Variants in HS3ST4 observed in about 807,000 individuals in gnomAD.
HS3ST4 encodes the protein heparan sulfate-glucosamine 3-sulfotransferase 4, also known as heparan sulfate glucosamine 3-O-sulfotransferase 4.
HS3ST4 carries 17 observed loss-of-function variants against 29.2 expected under a neutral mutation model. That is an observed-to-expected ratio of 0.58 (90% CI 0.40 to 0.87). The LOEUF (loss-of-function observed/expected upper bound fraction) is 0.87. HS3ST4 is among the 40% of genes least tolerant of loss of function. The pLI, the probability that HS3ST4 is intolerant of heterozygous loss-of-function variation, is 0.00. For synonymous variants in HS3ST4, 314 were observed against 285.7 expected, an observed-to-expected ratio of 1.10 and a Z score of -1.00; for missense variants, 627 against 634.5, an observed-to-expected ratio of 0.99 and a Z score of 0.13.
chr16:25,929,576 A>G (rs986951274), intron 1 of HS3ST4, among the ~76,000 whole-genome samples: 2 of 152,038 alleles, frequency 1.3e-5, no homozygotes, highest in Non-Finnish European at 2.9e-5. Context: ...TGCCCACAAA[A>G]TAATTGGTCT....
At chr16:25,873,861 T>C (rs1967798497) in intron 1 of HS3ST4, among the ~76,000 whole-genome samples, 1 of 152,156 alleles carries the variant, frequency 6.6e-6, no homozygotes, top group Admixed American at 6.6e-5. Context: ...TCCAGCCTTA[T>C]ACCTGTTTAG....
At chr16:25,740,644 A>G (rs942589291) in intron 1 of HS3ST4, among the ~76,000 whole-genome samples, 6 of 152,212 alleles carry the variant, frequency 3.9e-5, no homozygotes, top group African/African-American at 1.4e-4. Flanking sequence ...CATTAAAAGA[A>G]TGATCACTTC....
chr16:25,847,910 A>G (rs1967481972), intron 1 of HS3ST4, among the ~76,000 whole-genome samples: 1 of 152,162 alleles, frequency 6.6e-6, no homozygotes, highest in Non-Finnish European at 1.5e-5. Context: ...TGGTATTTAT[A>G]TTTATGTATT....
At chr16:26,114,338 T>C (rs1363479053) in intron 1 of HS3ST4, among the ~76,000 whole-genome samples, 9 of 152,180 alleles carry the variant, frequency 5.9e-5, no homozygotes, top group African/African-American at 2.2e-4. Context: ...CAACATGTAA[T>C]TATTTCCACA....
chr16:25,941,427 A>G (rs1968571277), intron 1 of HS3ST4, among the ~76,000 whole-genome samples: 1 of 151,304 alleles, frequency 6.6e-6, no homozygotes, highest in Non-Finnish European at 1.5e-5. Context: ...CCGAAGTGCT[A>G]GGATTACAGG....
intron 1 of HS3ST4, among the ~76,000 whole-genome samples, chr16:25,993,949 C>CGTGTGTGTGTGTGTGT (rs56226178): frequency 2.6e-4 from 31 of 121,322 alleles, no homozygotes; most frequent in Admixed American, 1.2e-3. Context: ...CACATAACCT[C>CGTGTGTGTGTGTGTGT]GTGTGTGTGT....
chr16:25,976,340 C>G (rs1968943110), intron 1 of HS3ST4, among the ~76,000 whole-genome samples: 1 of 152,174 alleles, frequency 6.6e-6, no homozygotes, highest in Non-Finnish European at 1.5e-5. Context: ...GGGTCTCACT[C>G]TGTCACCCAG....
intron 1 of HS3ST4, among the ~76,000 whole-genome samples, chr16:25,775,686 T>A (rs1364779268): frequency 6.6e-6 from 1 of 152,210 alleles, no homozygotes; most frequent in African/African-American, 2.4e-5. Context: ...ATGCTCTTCC[T>A]CCTCTTTGCC....
chr16:25,901,734 C>A (rs1292962152), intron 1 of HS3ST4, among the ~76,000 whole-genome samples: 1 of 152,180 alleles, frequency 6.6e-6, no homozygotes, highest in African/African-American at 2.4e-5. Context: ...CACAGAAGAG[C>A]TGTTTCAGCC....
intron 1 of HS3ST4, among the ~76,000 whole-genome samples, chr16:25,709,955 T>A (rs997142225): frequency 6.6e-6 from 1 of 152,188 alleles, no homozygotes; most frequent in Non-Finnish European, 1.5e-5. Flanking sequence ...TCACATTAAG[T>A]CTTCCTGCCC....
intron 1 of HS3ST4, among the ~76,000 whole-genome samples, chr16:25,836,833 C>A (rs764993908): frequency 4.6e-5 from 7 of 152,196 alleles, no homozygotes; most frequent in Non-Finnish European, 7.3e-5. Flanking sequence ...AGCAAGAATT[C>A]ATATTAAAGG....
chr16:25,979,886 C>A (rs543280311), intron 1 of HS3ST4, among the ~76,000 whole-genome samples: 1 of 152,276 alleles, frequency 6.6e-6, no homozygotes, highest in African/African-American at 2.4e-5. Context: ...TGCCACCTAC[C>A]CTGCTATGCG....
rs28401533 is a variant in HS3ST4, at chr16:25,960,132, G to A, written c.735-175480G>A. ...GCCTGGGCAACAAGAGTGAAACTCC[G>A]TCTCAAAAAAAAAGAATCTGGGACC... On this transcript the variant is annotated intron_variant, in intron 1 of 1. Transcript: ENST00000331351. 0.034 allele frequency among the ~76,000 whole-genome samples: 5,202 copies of A among 151,818 alleles called. 544 individuals carry two copies. In the East Asian group the frequency reaches 0.4, roughly 12 times the overall value.
chr16:25,871,646 G>T (rs1967753720), intron 1 of HS3ST4, among the ~76,000 whole-genome samples: 2 of 152,186 alleles, frequency 1.3e-5, no homozygotes, highest in African/African-American at 4.8e-5. Context: ...GAAAACTGAA[G>T]TACAGAGAGA....
In HS3ST4 at chr16:26,136,419, C is replaced by G; in HGVS notation, c.*171C>G. On this transcript the variant is annotated 3_prime_UTR_variant, in exon 2 of 2. Coordinates refer to ENST00000331351, the MANE Select transcript of HS3ST4 (RefSeq NM_006040.3). ...TGTTAGCTTAGGCAAACAGGTGGAT[C>G]CCATGGCATCCCCATGGAGGAACCA... 1 of 644,900 alleles carries G rather than the reference C, an allele frequency of 1.6e-6. No homozygotes were observed. Among genetic ancestry groups the G allele is most frequent in the Non-Finnish European group, 2.6e-6 (1 of 379,460 alleles). The allele number at this position is 644,900 out of a possible 1,614,324, so 39.9% of individuals were successfully genotyped here.
At chr16:26,048,703 C>A (rs1478087576) in intron 1 of HS3ST4, among the ~76,000 whole-genome samples, 2 of 151,978 alleles carry the variant, frequency 1.3e-5, no homozygotes, top group African/African-American at 4.8e-5. Context: ...TGTGGTGGTG[C>A]ATAACTATAA....
chr16:25,933,861 T>A (rs1397496095), intron 1 of HS3ST4, among the ~76,000 whole-genome samples: 1 of 152,046 alleles, frequency 6.6e-6, no homozygotes, highest in Non-Finnish European at 1.5e-5. Flanking sequence ...GAGAACCCAC[T>A]CATTACCACA....
intron 1 of HS3ST4, among the ~76,000 whole-genome samples, chr16:25,915,866 T>C (rs1363408787): frequency 6.6e-6 from 1 of 152,192 alleles, no homozygotes; most frequent in Admixed American, 6.5e-5. Context: ...GTTTAACTTC[T>C]CCAAGACTCA....
intron 1 of HS3ST4, among the ~76,000 whole-genome samples, chr16:26,085,205 C>A (rs1898771735): frequency 6.6e-6 from 1 of 152,188 alleles, no homozygotes; most frequent in Non-Finnish European, 1.5e-5. Context: ...TGCTTCCTAG[C>A]AACTCTGTAA....
Sources: allele counts gnomAD v4.1 joint callset (sites outside exome capture counted in the v4.1 genomes callset), GRCh38; gene constraint gnomAD v4.1.1; transcripts MANE v1.5; gene names NCBI Gene and HGNC (gene_info 2026-07-23, HGNC 2026-07-21).